The following TFCP2 variants were observed in gnomAD, a reference collection of about 807,000 sequenced individuals.
The protein encoded by TFCP2 is transcription factor CP2.
TFCP2 carries 33 observed loss-of-function variants against 73.4 expected under a neutral mutation model. The ratio of observed to expected loss-of-function variants is 0.45; its 90% CI spans 0.34 to 0.60. The LOEUF (loss-of-function observed/expected upper bound fraction) is 0.60. Among genes scored for constraint, TFCP2 ranks in the 20% least tolerant of loss-of-function variants. The probability of loss-of-function intolerance (pLI) is 0.01; values close to 1 mark genes in which losing one functional copy is unlikely to be tolerated. For synonymous variants in TFCP2, 193 were observed against 211.6 expected (o/e 0.91, Z 0.76); for missense variants, 352 against 604.0 (o/e 0.58, Z 4.37).
At chr12:51,127,843 A>T (rs2730659) in intron 1 of TFCP2, among the ~76,000 whole-genome samples, 138,914 of 152,148 alleles carry the variant, frequency 0.91, 63,828 homozygotes, top group Non-Finnish European at 0.97. Context: ...AGTGACACTG[A>T]GGAAACCCAG....
intron 8 of TFCP2, among the ~76,000 whole-genome samples, chr12:51,106,324 G>C (rs1324626388): frequency 2.0e-5 from 3 of 152,056 alleles, no homozygotes; most frequent in African/African-American, 7.2e-5. Context: ...GGAGAGGGGA[G>C]AACACAAAGA....
chr12:51,148,023 C>G (rs964477495), intron 1 of TFCP2, among the ~76,000 whole-genome samples: 10 of 152,138 alleles, frequency 6.6e-5, no homozygotes, highest in South Asian at 2.1e-4. Flanking sequence ...AAATAGCCAA[C>G]AAGCATATGG....
chr12:51,120,217 C>CA (rs1287295156), intron 1 of TFCP2, among the ~76,000 whole-genome samples: 2 of 140,162 alleles, frequency 1.4e-5, no homozygotes, highest in African/African-American at 2.7e-5. Flanking sequence ...ACAACAACAA[C>CA]AAAAAAATAA....
intron 14 of TFCP2, 70 bp from the exon 15 acceptor site, chr12:51,095,348 T>C (rs955522286): frequency 3.9e-6 from 6 of 1,531,094 alleles, no homozygotes; most frequent in Non-Finnish European, 4.5e-6. Context: ...AAAAAAAGTA[T>C]GGTAAGATTC....
intron 1 of TFCP2, among the ~76,000 whole-genome samples, chr12:51,143,619 C>T (rs1295793718): frequency 6.6e-6 from 1 of 152,076 alleles, no homozygotes; most frequent in Non-Finnish European, 1.5e-5. Context: ...ATTTAATCTT[C>T]ATAACAATCT....
At chr12:51,135,320 G>C (rs1345363535) in intron 1 of TFCP2, among the ~76,000 whole-genome samples, 1 of 151,572 alleles carries the variant, frequency 6.6e-6, no homozygotes, top group South Asian at 2.1e-4. Context: ...CCAGCTACTC[G>C]GGAGGCTGAA....
intron 1 of TFCP2, among the ~76,000 whole-genome samples, chr12:51,170,900 G>C (rs1007891136): frequency 2.6e-5 from 4 of 151,462 alleles, no homozygotes; most frequent in Admixed American, 6.6e-5. Flanking sequence ...GGCTGTTCTC[G>C]AACTCCTGAC....
chr12:51,099,201 C>A (rs991289667), intron 12 of TFCP2, among the ~76,000 whole-genome samples: 1 of 152,044 alleles, frequency 6.6e-6, no homozygotes, highest in Non-Finnish European at 1.5e-5. Flanking sequence ...AAGAATAGTA[C>A]CTGGCTGGGT....
intron 1 of TFCP2, among the ~76,000 whole-genome samples, chr12:51,132,123 C>T (rs1274048426): frequency 6.6e-6 from 1 of 152,062 alleles, no homozygotes; most frequent in Non-Finnish European, 1.5e-5. Flanking sequence ...TCTAAATAAT[C>T]CAAATGTAGT....
At chr12:51,125,021 C>T (rs1463180033) in intron 1 of TFCP2, 1 of 739,276 alleles carries the variant, frequency 1.4e-6, no homozygotes, top group Admixed American at 1.8e-5. Context: ...CAAAGCGAGC[C>T]ACCACTGACT....
intron 1 of TFCP2, among the ~76,000 whole-genome samples, chr12:51,138,294 T>A (rs1034748309): frequency 6.6e-6 from 1 of 151,686 alleles, no homozygotes; most frequent in African/African-American, 2.4e-5. Flanking sequence ...GGCGCACTCC[T>A]ATAATCCCAT....
intron 14 of TFCP2, among the ~76,000 whole-genome samples, chr12:51,095,684 C>T (rs922781525): frequency 2.0e-5 from 3 of 151,454 alleles, no homozygotes; most frequent in Non-Finnish European, 4.4e-5. Context: ...CATGGTGGCA[C>T]GTGCCTGTAA....
intron 1 of TFCP2, among the ~76,000 whole-genome samples, chr12:51,164,200 AT>A (rs1181786846): frequency 6.6e-4 from 101 of 152,196 alleles, no homozygotes; most frequent in Non-Finnish European, 5.3e-4. Flanking sequence ...GCACGGCCCC[AT>A]TTCTCAAAAA....
In TFCP2 at chr12:51,096,949, A is replaced by G. The variant is rs59473689; in HGVS notation, c.1420-909T>C. On this transcript the variant is annotated intron_variant, in intron 13 of 14. Coordinates refer to ENST00000257915, the MANE Select transcript of TFCP2 (RefSeq NM_005653.5). ...GAACTCATTCATAGATATACCTGTA[A>G]TAATTTTTTCTTAATTTTTTTTTTT... Among the ~76,000 whole-genome samples the G allele has an allele frequency of 2.8e-3, 258 of 90,530 alleles. 1 individual carries two copies. The highest frequency in any genetic ancestry group is 0.014 in the East Asian group (64 of 4,678). 59.4% of individuals were successfully genotyped at this position (90,530 alleles called of 152,430 possible).
At chr12:51,100,308 C>A (rs1488431692) in intron 11 of TFCP2, among the ~76,000 whole-genome samples, 1 of 152,184 alleles carries the variant, frequency 6.6e-6, no homozygotes, top group Non-Finnish European at 1.5e-5. Flanking sequence ...ATTACCTTCT[C>A]CTAACTAGCC....
intron 10 of TFCP2, among the ~76,000 whole-genome samples, chr12:51,103,039 T>C (rs551542070): frequency 6.6e-6 from 1 of 152,024 alleles, no homozygotes; most frequent in Admixed American, 6.6e-5. Flanking sequence ...TCCCAGCACT[T>C]TGGGAGGCCA....
chr12:51,149,647 C>T lies in TFCP2; in HGVS notation c.122+22654G>A, dbSNP rs552489888. On this transcript the variant is annotated intron_variant, in intron 1 of 14. Coordinates refer to ENST00000257915, the MANE Select transcript of TFCP2 (RefSeq NM_005653.5). ...TGGAGGCTCGCTCTGTCACCCAGGC[C>T]AGAGTGCAGTGGCACGATCTTTGCT... Among the ~76,000 whole-genome samples, 21 of 152,054 alleles carry T rather than the reference C, an allele frequency of 1.4e-4. No homozygotes were observed. In the East Asian group the frequency reaches 3.1e-3, roughly 22 times the overall value.
intron 1 of TFCP2, among the ~76,000 whole-genome samples, chr12:51,152,426 T>G (rs1355883360): frequency 6.6e-6 from 1 of 152,206 alleles, no homozygotes; most frequent in Non-Finnish European, 1.5e-5. Context: ...GGATATTCTT[T>G]TACTATAATG....
chr12:51,102,618 C>T (rs141510336), intron 10 of TFCP2, among the ~76,000 whole-genome samples: 1,597 of 151,966 alleles, frequency 0.011, 16 homozygotes, highest in Middle Eastern at 0.021. Flanking sequence ...CCCAGCTACT[C>T]GGGGGCTGAG....
Sources: allele counts gnomAD v4.1 joint callset (sites outside exome capture counted in the v4.1 genomes callset), GRCh38; gene constraint gnomAD v4.1.1; transcripts MANE v1.5; gene names NCBI Gene and HGNC (gene_info 2026-07-23, HGNC 2026-07-21).